Variants in KIAA1217 observed in about 807,000 individuals in gnomAD.
The protein encoded by KIAA1217 is KIAA1217.
KIAA1217 carries 88 observed loss-of-function variants against 163.9 expected under a neutral mutation model. The observed-to-expected ratio is 0.54, with a 90% CI of 0.45 to 0.64. KIAA1217 has a LOEUF of 0.64. Among genes scored for constraint, KIAA1217 ranks in the 30% least tolerant of loss-of-function variants. The pLI, the probability that KIAA1217 is intolerant of heterozygous loss-of-function variation, is 0.00. For synonymous variants in KIAA1217, 903 were observed against 923.1 expected (o/e 0.98, Z 0.39); for missense variants, 2,372 against 2,475.0 (o/e 0.96, Z 0.88).
intron 1 of KIAA1217, among the ~76,000 whole-genome samples, chr10:23,972,629 T>G (rs1845363406): frequency 6.7e-6 from 1 of 149,270 alleles, no homozygotes; most frequent in South Asian, 2.1e-4. Context: ...AAAGGTTCTC[T>G]TTGAACCAAC....
At chr10:24,252,016 C>G (rs777815312) in intron 2 of KIAA1217, among the ~76,000 whole-genome samples, 3 of 151,926 alleles carry the variant, frequency 2.0e-5, no homozygotes, top group Non-Finnish European at 2.9e-5. Flanking sequence ...AGACATCTCA[C>G]AAAACATTTT....
intron 17 of KIAA1217, among the ~76,000 whole-genome samples, chr10:24,537,703 G>T (rs1285911348): frequency 6.6e-6 from 1 of 152,140 alleles, no homozygotes; most frequent in Non-Finnish European, 1.5e-5. Context: ...AACGTCCAAG[G>T]ATGCCAAACA....
At chr10:23,748,789 C>T (rs1375902859) in intron 1 of KIAA1217, among the ~76,000 whole-genome samples, 4 of 152,134 alleles carry the variant, frequency 2.6e-5, no homozygotes, top group African/African-American at 9.7e-5. Context: ...CCCACTACCC[C>T]ATCACTGTCA....
Position 24,049,386 on chromosome 10 carries a change from C to CT in KIAA1217, c.-171+42019dup, listed in dbSNP as rs534671269. On this transcript the variant is annotated intron_variant, in intron 2 of 18. Transcript: ENST00000376462. ...AACCTAAAGATCGTATAAATTATCT[C>CT]TTTTTTTAACTCTATTTATTTATTT... Among the ~76,000 whole-genome samples, 598 of 152,202 alleles carry CT rather than the reference C, an allele frequency of 3.9e-3. 1 individual carries two copies. Among genetic ancestry groups the CT allele is most frequent in the African/African-American group, 0.013 (548 of 41,542 alleles).
intron 2 of KIAA1217, among the ~76,000 whole-genome samples, chr10:24,305,344 A>G (rs1241582352): frequency 6.6e-6 from 1 of 152,218 alleles, no homozygotes; most frequent in Non-Finnish European, 1.5e-5. Flanking sequence ...CCATCTTAAA[A>G]GACATGAATC....
intron 1 of KIAA1217, among the ~76,000 whole-genome samples, chr10:23,852,253 A>G (rs1839385793): frequency 6.6e-6 from 1 of 152,152 alleles, no homozygotes; most frequent in Non-Finnish European, 1.5e-5. Context: ...TTTTCCCAGC[A>G]CCATTTATTA....
chr10:24,162,454 C>T (rs1217577420), intron 2 of KIAA1217, among the ~76,000 whole-genome samples: 2 of 152,190 alleles, frequency 1.3e-5, no homozygotes, highest in Non-Finnish European at 2.9e-5. Flanking sequence ...CTCTTCATCC[C>T]TGTGGCAGAG....
At chr10:23,939,260 A>G (rs1478467379) in intron 1 of KIAA1217, among the ~76,000 whole-genome samples, 1 of 152,194 alleles carries the variant, frequency 6.6e-6, no homozygotes, top group Non-Finnish European at 1.5e-5. Flanking sequence ...TATTTTTAAA[A>G]TCACATTAAA....
At chr10:23,923,380 G>T (rs1408088292) in intron 1 of KIAA1217, among the ~76,000 whole-genome samples, 2 of 152,170 alleles carry the variant, frequency 1.3e-5, no homozygotes, top group African/African-American at 4.8e-5. Context: ...AAGTCACACT[G>T]TGGTAGGGTG....
chr10:24,254,194 T>C (rs145496559), intron 2 of KIAA1217, among the ~76,000 whole-genome samples: 92 of 152,324 alleles, frequency 6.0e-4, no homozygotes, highest in East Asian at 4.4e-3. Flanking sequence ...CCAGCAAAGA[T>C]TGGCTGAACA....
chr10:24,527,837 C>A (rs1406404143), intron 13 of KIAA1217, 99 bp from the exon 14 acceptor site: 1 of 867,690 alleles, frequency 1.2e-6, no homozygotes, highest in Non-Finnish European at 1.8e-6. Context: ...TTTCCTGATC[C>A]TCTCCTTCCT....
At chr10:24,186,843 CGGTGG>C (rs1405014938) in intron 2 of KIAA1217, among the ~76,000 whole-genome samples, 2 of 152,072 alleles carry the variant, frequency 1.3e-5, no homozygotes, top group African/African-American at 4.8e-5. Flanking sequence ...TGGGCCAAGA[CGGTGG>C]CACTGCACTC....
At chr10:23,698,582 TGGGGTCGTAGATTACC>T (rs1444622806) in intron 1 of KIAA1217, among the ~76,000 whole-genome samples, 1 of 152,168 alleles carries the variant, frequency 6.6e-6, no homozygotes, top group East Asian at 1.9e-4. Flanking sequence ...TATAGGAATG[TGGGGTCGTAGATTACC>T]GAGTTTAGAA....
chr10:23,780,111 T>C (rs548362953), intron 1 of KIAA1217, among the ~76,000 whole-genome samples: 1 of 152,354 alleles, frequency 6.6e-6, no homozygotes, highest in African/African-American at 2.4e-5. Context: ...AATATGAAGT[T>C]GTGATCCTCA....
chr10:24,520,277 G>C (rs773391775), intron 11 of KIAA1217, 24 bp downstream of exon 11: 1 of 1,613,564 alleles, frequency 6.2e-7, no homozygotes. Context: ...TGGGTCGGGG[G>C]AGGAGTCTGA....
intron 10 of KIAA1217, among the ~76,000 whole-genome samples, chr10:24,515,588 G>A (rs2069985916): frequency 6.6e-6 from 1 of 152,192 alleles, no homozygotes; most frequent in African/African-American, 2.4e-5. Context: ...AAGAGCCCTT[G>A]AGGATCTTCA....
chr10:24,494,649 C>T, intron 7 of KIAA1217, 45 bp downstream of exon 7: 1 of 1,253,356 alleles, frequency 8.0e-7, no homozygotes, highest in South Asian at 1.3e-5. Context: ...CAATCTGTTT[C>T]TCTTTTAATC....
intron 1 of KIAA1217, among the ~76,000 whole-genome samples, chr10:23,868,431 G>A (rs1424993639): frequency 6.6e-6 from 1 of 152,094 alleles, no homozygotes; most frequent in Non-Finnish European, 1.5e-5. Flanking sequence ...AGAAAGACAG[G>A]CAAAGAGATT....
intron 3 of KIAA1217, among the ~76,000 whole-genome samples, chr10:24,398,309 A>G (rs1472848734): frequency 6.6e-6 from 1 of 152,144 alleles, no homozygotes; most frequent in Admixed American, 6.5e-5. Context: ...TCATCTTCAC[A>G]TTGAATAAAG....
Sources: allele counts gnomAD v4.1 joint callset (sites outside exome capture counted in the v4.1 genomes callset), GRCh38; gene constraint gnomAD v4.1.1; transcripts MANE v1.5; gene names NCBI Gene and HGNC (gene_info 2026-07-23, HGNC 2026-07-21).